PDIA5: variants seen among roughly 807,000 people sequenced by gnomAD.
PDIA5 encodes protein disulfide-isomerase A5.
Under a neutral mutation model 77.6 loss-of-function variants are expected in PDIA5, and 58 were observed. The observed-to-expected ratio is 0.75, with a 90% CI of 0.61 to 0.93. The LOEUF (loss-of-function observed/expected upper bound fraction) is 0.93, where lower values mean the gene tolerates loss of function less well. Ranked by LOEUF, PDIA5 falls within the 40% of genes least tolerant of loss-of-function variation. PDIA5 has a pLI of 0.00. For missense variants in PDIA5, 630 were observed against 647.7 expected (o/e 0.97, Z 0.30); for synonymous variants, 250 against 252.1 (o/e 0.99, Z 0.08).
At chr3:123,088,292 A>T (rs1189132475) in intron 1 of PDIA5, among the ~76,000 whole-genome samples, 1 of 152,116 alleles carries the variant, frequency 6.6e-6, no homozygotes, top group African/African-American at 2.4e-5. Flanking sequence ...GTGCCTGCAG[A>T]GGTGCCTGAT....
intron 13 of PDIA5, among the ~76,000 whole-genome samples, chr3:123,146,597 C>T (rs1179666077): frequency 6.6e-6 from 1 of 152,134 alleles, no homozygotes; most frequent in Non-Finnish European, 1.5e-5. Context: ...TCTTCATAGC[C>T]AGAGCTAGAC....
At position 123,161,873 on chromosome 3, in the gene PDIA5, C is replaced by A; in HGVS notation, c.1480-7C>A. ...TTTCTCTCTCTCTCTCTCCCACTTC[C>A]CTGCAGGAATTGGGATTTACCAATT... On this transcript the variant is annotated splice_region_variant and splice_polypyrimidine_tract_variant and intron_variant, in intron 16 of 16. Coordinates refer to ENST00000316218, the MANE Select transcript of PDIA5 (RefSeq NM_006810.4). The A allele has an allele frequency of 1.3e-6, 2 of 1,558,978 alleles. No individual in the cohort carries two copies. Among genetic ancestry groups the A allele is most frequent in the African/African-American group, 1.4e-5 (1 of 73,912 alleles).
chr3:123,113,783 C>A (rs968952020), intron 7 of PDIA5, among the ~76,000 whole-genome samples: 1 of 152,160 alleles, frequency 6.6e-6, no homozygotes, highest in African/African-American at 2.4e-5. Flanking sequence ...GCAGTGAGAA[C>A]CTTTGGTGGT....
At chr3:123,113,397 A>G (rs1212846454) in intron 7 of PDIA5, among the ~76,000 whole-genome samples, 1 of 152,104 alleles carries the variant, frequency 6.6e-6, no homozygotes, top group African/African-American at 2.4e-5. Context: ...TTCACGACAG[A>G]GAGGTGAGCA....
At chr3:123,093,849 A>G (rs781096487) in intron 3 of PDIA5, among the ~76,000 whole-genome samples, 8 of 152,200 alleles carry the variant, frequency 5.3e-5, no homozygotes, top group Non-Finnish European at 8.8e-5. Flanking sequence ...AAGACCTCGG[A>G]GCACAATACC....
chr3:123,117,374 T>TTTTTTATATATATATATATATATATATA (rs1553800660), intron 8 of PDIA5, among the ~76,000 whole-genome samples: 1 of 79,872 alleles, frequency 1.3e-5, no homozygotes, highest in African/African-American at 4.8e-5. Flanking sequence ...TTCTATGATT[T>TTTTTTATATATATATATATATATATATA]TATATATATA....
intron 10 of PDIA5, among the ~76,000 whole-genome samples, chr3:123,129,735 A>C (rs1356068788): frequency 6.6e-6 from 1 of 152,198 alleles, no homozygotes; most frequent in African/African-American, 2.4e-5. Context: ...TAGGACTGGC[A>C]CACAGTCACG....
intron 1 of PDIA5, among the ~76,000 whole-genome samples, chr3:123,073,932 T>G (rs1156828203): frequency 6.6e-6 from 1 of 152,198 alleles, no homozygotes; most frequent in East Asian, 1.9e-4. Context: ...ATAAAGGTGA[T>G]CCAGTATCTG....
rs375417152 is a variant in PDIA5, at chr3:123,145,611, C to T, written c.981+19C>T. On this transcript the variant is annotated intron_variant, in intron 12 of 16. Coordinates refer to ENST00000316218, the MANE Select transcript of PDIA5 (RefSeq NM_006810.4). ...AGCGGATGTAAGCTTCCTTTCCTTC[C>T]CCCTCACCGTTCTCTTTGAAAGAAT... 2.3e-5 allele frequency: 37 copies of T among 1,586,612 alleles called. No homozygotes were observed. In the African/African-American group the frequency reaches 4.2e-4, roughly 18 times the overall value.
rs1308782505 is a variant in PDIA5, at chr3:123,145,343, A to G, written c.911-179A>G. On this transcript the variant is annotated intron_variant, in intron 11 of 16. Coordinates refer to ENST00000316218, the MANE Select transcript of PDIA5 (RefSeq NM_006810.4). The stretch of plus-strand genomic sequence containing the variant: ...ATTTTTGTGTCTGGGGTACCTTCCC[A>G]CTACCCCAACCCACTTCTGGTGGAT... The G allele has an allele frequency of 6.9e-6, 4 of 577,248 alleles. No homozygotes were observed. The East Asian group carries it at 1.2e-4, about 17-fold the overall frequency. 35.8% of individuals were successfully genotyped at this position (577,248 alleles called of 1,614,324 possible). A position where few individuals can be genotyped will look rare whatever the true frequency, so the allele number is the denominator to read the frequency against.
chr3:123,113,272 G>C (rs947309078), intron 7 of PDIA5, among the ~76,000 whole-genome samples: 2 of 152,194 alleles, frequency 1.3e-5, no homozygotes, highest in Non-Finnish European at 2.9e-5. Context: ...TAACCAGGCA[G>C]GTCTCAGTGT....
At chr3:123,154,779 C>T (rs1199557540) in intron 14 of PDIA5, among the ~76,000 whole-genome samples, 192 bp from the exon 15 acceptor site, 1 of 152,164 alleles carries the variant, frequency 6.6e-6, no homozygotes, top group African/African-American at 2.4e-5. Flanking sequence ...CTACCAGTCC[C>T]CCCTACCAAT....
chr3:123,127,298 A>C (rs1289652462), intron 10 of PDIA5, among the ~76,000 whole-genome samples: 1 of 152,170 alleles, frequency 6.6e-6, no homozygotes, highest in South Asian at 2.1e-4. Context: ...CAAGTCATCA[A>C]ATCTGCACCA....
At chr3:123,077,614 T>G (rs9812472) in intron 1 of PDIA5, among the ~76,000 whole-genome samples, 37,275 of 151,244 alleles carry the variant, frequency 0.25, 5,052 homozygotes, top group Admixed American at 0.35. Context: ...GGGACTCATG[T>G]TGCTTGGTTT....
chr3:123,113,824 G>A (rs768195046), intron 7 of PDIA5, among the ~76,000 whole-genome samples: 11 of 152,126 alleles, frequency 7.2e-5, no homozygotes, highest in Non-Finnish European at 1.3e-4. Flanking sequence ...AGGATCTACC[G>A]CTTATTCAGG....
intron 3 of PDIA5, among the ~76,000 whole-genome samples, chr3:123,098,381 C>T (rs1331209376): frequency 6.6e-6 from 1 of 152,086 alleles, no homozygotes; most frequent in Non-Finnish European, 1.5e-5. Flanking sequence ...CTGCTCTCAT[C>T]CCCACTTTGA....
At chr3:123,145,960 T>TG (rs3841639) in intron 12 of PDIA5, 139 bp from the exon 13 acceptor site, 227,215 of 735,684 alleles carry the variant, frequency 0.31, 37,503 homozygotes, top group East Asian at 0.51. Flanking sequence ...CCCTGGGATA[T>TG]GGGAGCCCAC....
At chr3:123,130,423 A>G (rs1232456673) in intron 10 of PDIA5, 57 bp from the exon 11 acceptor site, 2 of 1,549,576 alleles carry the variant, frequency 1.3e-6, no homozygotes, top group Admixed American at 1.9e-5. Context: ...CTGGAATTAG[A>G]AGGGCTGCCA....
At chr3:123,080,749 A>G (rs529345685) in intron 1 of PDIA5, among the ~76,000 whole-genome samples, 3 of 152,326 alleles carry the variant, frequency 2.0e-5, no homozygotes, top group African/African-American at 7.2e-5. Flanking sequence ...TGGGCACTCA[A>G]GATCTATTTG....
Sources: gnomAD v4.1 joint callset for allele counts (sites outside exome capture counted in the v4.1 genomes callset) on GRCh38, gnomAD v4.1.1 for gene constraint, MANE v1.5 for transcripts, NCBI Gene and HGNC (gene_info 2026-07-23, HGNC 2026-07-21) for gene names.